The following DSG3 variants were observed in gnomAD, a reference collection of about 807,000 sequenced individuals.
DSG3 encodes desmoglein-3.
Under a neutral mutation model 85.9 loss-of-function variants are expected in DSG3, and 63 were observed. The ratio of observed to expected loss-of-function variants is 0.73; its 90% confidence interval spans 0.60 to 0.90. DSG3 has a LOEUF of 0.90. Ranked by LOEUF, DSG3 falls within the 40% of genes least tolerant of loss-of-function variation. The pLI, the probability that DSG3 is intolerant of heterozygous loss-of-function variation, is 0.00. For missense variants in DSG3, 1,220 were observed against 1,219.9 expected (o/e 1.00, Z 0.00); for synonymous variants, 447 against 441.9 (o/e 1.01, Z -0.14).
At position 31,460,869 on chromosome 18, in the gene DSG3, G is replaced by C; in HGVS notation, c.721G>C (p.Asp241His). 1 of 1,596,854 alleles carries C rather than the reference G, an allele frequency of 6.3e-7. No individual in the cohort carries two copies. Among genetic ancestry groups the C allele is most frequent in the African/African-American group, 1.4e-5 (1 of 73,800 alleles). ...CTATCGTCTGGTTGTGAGTGGTGCA[G>C]ACAAAGATGGAGAAGGACTATCAAC... ...SSYRLVVSGADKDGEGLSTQC... is the reference protein window; with the variant it reads ...SSYRLVVSGAHKDGEGLSTQC... Residue 241 changes from aspartate (D) to histidine (H), a missense_variant, in exon 7 of 16, where the codon GAC becomes CAC. Coordinates refer to ENST00000257189, the MANE Select transcript of DSG3 (RefSeq NM_001944.3).
rs767704780 is a variant in DSG3 at position 31,461,216 on chromosome 18, C to T, written c.814-11C>T. 65 of 1,602,420 alleles carry T rather than the reference C, an allele frequency of 4.1e-5. No individual in the cohort carries two copies. Among genetic ancestry groups the T allele is most frequent in the Non-Finnish European group, 5.1e-5 (60 of 1,174,600 alleles). On this transcript the variant is annotated splice_polypyrimidine_tract_variant and intron_variant, in intron 7 of 15. Transcript: ENST00000257189. ...TCATTAGGTCTTTAATTCTGCTTCTCGCCTTTTCAGTATTCAGCACGTATT... is the reference window on the plus strand; with the variant it reads ...TCATTAGGTCTTTAATTCTGCTTCTTGCCTTTTCAGTATTCAGCACGTATT...
chr18:31,465,347 A>G lies in DSG3; in HGVS notation c.1301A>G (p.Tyr434Cys). Reference sequence around the variant, plus strand: ...GTCATGGGACGTAACGATGGTGGATACCTAATGATTGATTCAAAAACTGCT... The same window carrying G: ...GTCATGGGACGTAACGATGGTGGATGCCTAATGATTGATTCAAAAACTGCT... ...KYVMGRNDGG[Y>C]LMIDSKTAEI... Residue 434 changes from tyrosine (Y) to cysteine (C), a missense_variant, in exon 10 of 16, where the codon TAC becomes TGC. Physicochemically the swap from Tyr to Cys is radical, Grantham distance 194. Transcript: ENST00000257189. 1 of 1,513,874 alleles carries G rather than the reference A, an allele frequency of 6.6e-7. No homozygotes were observed. Among genetic ancestry groups the G allele is most frequent in the South Asian group, 1.4e-5 (1 of 69,468 alleles). The allele number at this position is 1,513,874 out of a possible 1,614,324, so 93.8% of individuals were successfully genotyped here. A position where few individuals can be genotyped will look rare whatever the true frequency, so the allele number is the denominator to read the frequency against.
At chr18:31,468,558 A>G (rs750783619) in intron 11 of DSG3, among the ~76,000 whole-genome samples, 14 of 152,188 alleles carry the variant, frequency 9.2e-5, no homozygotes, top group Non-Finnish European at 1.8e-4. Flanking sequence ...ACTTGAACCC[A>G]TTATAGCCCT....
chr18:31,474,317 G>T lies in DSG3; in HGVS notation c.2298G>T (p.Met766Ile). ...GTTCCTCAGGGCAGTCTGGAACCATGAGAACAAGGCATTCCACTGGAGGAA... is the reference window on the plus strand; with the variant it reads ...GTTCCTCAGGGCAGTCTGGAACCATTAGAACAAGGCATTCCACTGGAGGAA... ...GICSSGQSGT[M>I]RTRHSTGGTN... Residue 766 changes from methionine to isoleucine, a missense_variant, in exon 15 of 16, where the codon ATG (methionine) becomes ATT (isoleucine). Transcript: ENST00000257189. 6.2e-7 allele frequency: 1 copy of T among 1,614,110 alleles called. No individual in the cohort carries two copies. Among genetic ancestry groups the T allele is most frequent in the Non-Finnish European group, 8.5e-7 (1 of 1,180,038 alleles).
At position 31,469,348 on chromosome 18, in the gene DSG3, G is replaced by A. The variant is rs776954843; in HGVS notation, c.1896G>A (p.Leu632=). ...GLLLLGLLLL[L]LAPLLLLTCD... ...TGCTCCTTGGTCTCCTGCTGCTGCT[G>A]TGTGAGTAGCCAATGTTTCATTCTC... Residue 632 remains leucine, a splice_region_variant and synonymous_variant, in exon 12 of 16, where the codon CTG becomes CTA. Transcript: ENST00000257189. 4 of 1,612,480 alleles carry A rather than the reference G, an allele frequency of 2.5e-6. No individual in the cohort carries two copies. Among genetic ancestry groups the A allele is most frequent in the South Asian group, 1.1e-5 (1 of 91,006 alleles).
In DSG3 at chr18:31,476,120, C is replaced by T. The variant is rs1222228723; in HGVS notation, c.2860C>T (p.Leu954Phe). 6.2e-7 allele frequency: 1 copy of T among 1,614,224 alleles called. No homozygotes were observed. The highest frequency in any genetic ancestry group is 1.1e-5 in the South Asian group (1 of 91,086). ...VQPSTAGFDP[L>F]LTQNVIVTER... ...ACCTTCCACTGCAGGCTTTGATCCA[C>T]TTCTCACACAAAATGTGATAGTGAC... The change falls in exon 16 of 16, where the codon CTT becomes TTT. Residue 954 changes from leucine (L) to phenylalanine (F), a missense_variant. Physicochemically the swap from Leu to Phe is conservative, Grantham distance 22. Coordinates refer to ENST00000257189, the MANE Select transcript of DSG3 (RefSeq NM_001944.3).
In DSG3 at chr18:31,466,610, G is replaced by A. The variant is rs145720587; in HGVS notation, c.1492G>A (p.Glu498Lys). 370 of 1,614,052 alleles carry A rather than the reference G, an allele frequency of 2.3e-4. No homozygotes were observed. Among genetic ancestry groups the A allele is most frequent in the Non-Finnish European group, 3.0e-4 (351 of 1,180,036 alleles). The change falls in exon 11 of 16, where the codon GAA (glutamate) becomes AAA (lysine). Residue 498 changes from glutamate to lysine, a missense_variant. Transcript: ENST00000257189. The stretch of plus-strand genomic sequence containing the variant: ...TGACAATTGTCCAACAGCTGTCCTC[G>A]AAAAAGATGCAGTTTGCAGTTCTTC... The part of the protein sequence containing the change: ...FNDNCPTAVL[E>K]KDAVCSSSPS...
Position 31,464,938 on chromosome 18 carries a change from A to G in DSG3, c.1272-380A>G, listed in dbSNP as rs183536075. 2.7e-3 allele frequency among the ~76,000 whole-genome samples: 408 copies of G among 152,114 alleles called. 3 individuals carry two copies. The highest frequency in any genetic ancestry group is 3.3e-3 in the Non-Finnish European group (227 of 67,982). ...GATCACTTGAGGTTGGGAGTTCGAG[A>G]CCAGCCTGACCAACATGAAGAAACC... On this transcript the variant is annotated intron_variant, in intron 9 of 15. Coordinates refer to ENST00000257189, the MANE Select transcript of DSG3 (RefSeq NM_001944.3).
intron 11 of DSG3, among the ~76,000 whole-genome samples, chr18:31,467,417 G>A (rs1208145047): frequency 6.6e-6 from 1 of 152,166 alleles, no homozygotes; most frequent in African/African-American, 2.4e-5. Context: ...AACTTGTTCT[G>A]ATGGAGCAGT....
chr18:31,451,478 C>T (rs1261275149), intron 1 of DSG3, among the ~76,000 whole-genome samples: 1 of 152,150 alleles, frequency 6.6e-6, no homozygotes, highest in Non-Finnish European at 1.5e-5. Flanking sequence ...TACAGCACAA[C>T]TATCTTCAAC....
rs532395962 is a variant in DSG3 at position 31,447,986 on chromosome 18, A to G, written c.48+61A>G. 8.5e-5 allele frequency: 105 copies of G among 1,235,268 alleles called. 1 individual carries two copies. The South Asian group carries it at 1.4e-3, about 16-fold the overall frequency. 76.5% of individuals were successfully genotyped at this position (1,235,268 alleles called of 1,614,324 possible). On this transcript the variant is annotated intron_variant, in intron 1 of 15. Coordinates refer to ENST00000257189, the MANE Select transcript of DSG3 (RefSeq NM_001944.3). ...CCTGCTTCCTCCCTTGTTAAAGAAT[A>G]TTATATTTGATTGCACAATCTTTAT...
chr18:31,456,243 G>A lies in DSG3; in HGVS notation c.49-197G>A, dbSNP rs188447462. On this transcript the variant is annotated intron_variant, in intron 1 of 15. Transcript: ENST00000257189. ...TAGTCAATTAAAAAACTGGTGGAAT[G>A]TGTTTATATTGACAGTAATATTCCT... 7.9e-4 allele frequency among the ~76,000 whole-genome samples: 121 copies of A among 152,324 alleles called. 1 individual carries two copies. Among genetic ancestry groups the A allele is most frequent in the Non-Finnish European group, 1.5e-3 (101 of 68,036 alleles).
chr18:31,463,942 A>T (rs1356379202), intron 8 of DSG3, among the ~76,000 whole-genome samples, 169 bp from the exon 9 acceptor site: 1 of 152,176 alleles, frequency 6.6e-6, no homozygotes, highest in Non-Finnish European at 1.5e-5. Context: ...TGAGTTAAGA[A>T]TCCTAAAGCT....
chr18:31,475,571 T>C, intron 15 of DSG3, 75 bp from the exon 16 acceptor site: 6 of 1,520,980 alleles, frequency 3.9e-6, no homozygotes, highest in Non-Finnish European at 5.3e-6. Context: ...TCCAAATGAG[T>C]TCTACAAACA....
intron 1 of DSG3, among the ~76,000 whole-genome samples, chr18:31,450,484 G>C (rs56321993): frequency 1.3e-5 from 2 of 152,054 alleles, no homozygotes; most frequent in African/African-American, 4.8e-5. Flanking sequence ...ATGTGGTCAT[G>C]GGGGGGAAAA....
intron 10 of DSG3, 58 bp from the exon 11 acceptor site, chr18:31,466,472 C>CT: frequency 1.3e-5 from 20 of 1,492,262 alleles, no homozygotes; most frequent in Non-Finnish European, 1.9e-5. Flanking sequence ...AAAGATTCTC[C>CT]TTTTTTGTAC....
Position 31,476,966 on chromosome 18 carries a change from A to AG in DSG3, c.*706_*707insG, listed in dbSNP as rs991332950. 2 of 55,732 alleles carry AG rather than the reference A, an allele frequency of 3.6e-5. No homozygotes were observed. The highest frequency in any genetic ancestry group is 6.9e-5 in the African/African-American group (1 of 14,434). The allele number at this position is 55,732 out of a possible 1,614,324, so 3.5% of individuals were successfully genotyped here. A position where few individuals can be genotyped will look rare whatever the true frequency, so the allele number is the denominator to read the frequency against. ...GGGCGACAGAGCGAGACTCCGTCTC[A>AG]AAAAAAAAAAAAAAAAAAGAATCAC... On this transcript the variant is annotated 3_prime_UTR_variant, in exon 16 of 16. Transcript: ENST00000257189.
At chr18:31,468,894 G>A (rs960728553) in intron 11 of DSG3, among the ~76,000 whole-genome samples, 195 bp from the exon 12 acceptor site, 4 of 152,074 alleles carry the variant, frequency 2.6e-5, no homozygotes, top group Non-Finnish European at 5.9e-5. Flanking sequence ...ACCTTCCACC[G>A]TGGGATGATG....
At chr18:31,469,651 A>C (rs12959976) in intron 12 of DSG3, among the ~76,000 whole-genome samples, 4,480 of 152,238 alleles carry the variant, frequency 0.029, 86 homozygotes, top group Middle Eastern at 0.068. Flanking sequence ...TTCATGGTCA[A>C]AATTATGGCT....
Sources: allele counts gnomAD v4.1 joint callset (sites outside exome capture counted in the v4.1 genomes callset), GRCh38; gene constraint gnomAD v4.1.1; transcripts MANE v1.5; gene names NCBI Gene and HGNC (gene_info 2026-07-23, HGNC 2026-07-21).